The following SFTPD variants were observed in gnomAD, a reference collection of about 807,000 sequenced individuals.
SFTPD encodes surfactant protein D.
SFTPD carries 18 observed loss-of-function variants against 34.6 expected under a neutral mutation model. The observed-to-expected ratio is 0.52, with a 90% CI of 0.36 to 0.77. The LOEUF (loss-of-function observed/expected upper bound fraction) is 0.77. Ranked by LOEUF, SFTPD falls within the 30% of genes least tolerant of loss-of-function variation. The pLI, the probability that SFTPD is intolerant of heterozygous loss-of-function variation, is 0.00. For synonymous variants in SFTPD, 155 were observed against 180.9 expected (o/e 0.86, Z 1.15); for missense variants, 433 against 468.9 (o/e 0.92, Z 0.71).
At chr10:79,961,478 G>T (rs1228511134) in intron 1 of SFTPD, among the ~76,000 whole-genome samples, 1 of 152,120 alleles carries the variant, frequency 6.6e-6, no homozygotes, top group Non-Finnish European at 1.5e-5. Flanking sequence ...CAAAAAGTGG[G>T]TGAAGGATAT....
chr10:79,965,732 C>A (rs1204340132), intron 1 of SFTPD, among the ~76,000 whole-genome samples: 8 of 76,244 alleles, frequency 1.0e-4, no homozygotes, highest in Admixed American at 5.5e-4. Context: ...TCCCTCCCCC[C>A]TCCCCCGACC....
chr10:79,938,406 C>A (rs1344420965), intron 7 of SFTPD, among the ~76,000 whole-genome samples, 178 bp from the exon 8 acceptor site: 2 of 152,102 alleles, frequency 1.3e-5, no homozygotes, highest in Admixed American at 1.3e-4. Context: ...CATGACCTAC[C>A]CTGTGAGGTG....
upstream of SFTPD, chr10:79,949,128 A>G (rs1235879829): frequency 6.6e-6 from 1 of 152,106 alleles, no homozygotes; most frequent in Non-Finnish European, 1.5e-5. Context: ...GCAGGCACTC[A>G]CTATTTATGC....
chr10:79,945,789 T>C (rs533963144), intron 2 of SFTPD, among the ~76,000 whole-genome samples: 140 of 152,312 alleles, frequency 9.2e-4, no homozygotes, highest in African/African-American at 3.2e-3. Flanking sequence ...TCTCCCAGTG[T>C]GGAGATGGAG....
intron 4 of SFTPD, among the ~76,000 whole-genome samples, 154 bp downstream of exon 4, chr10:79,942,234 T>C (rs1452731102): frequency 6.6e-6 from 1 of 152,154 alleles, no homozygotes; most frequent in Non-Finnish European, 1.5e-5. Flanking sequence ...GAGGAAAATA[T>C]TGCAGTTGTG....
chr10:79,978,236 T>A (rs904651326), intron 1 of SFTPD, among the ~76,000 whole-genome samples: 12 of 152,216 alleles, frequency 7.9e-5, no homozygotes, highest in Non-Finnish European at 1.6e-4. Context: ...AATCAACAAA[T>A]GTAATACATC....
chr10:79,980,989 A>C (rs1842887157), intron 1 of SFTPD, among the ~76,000 whole-genome samples: 2 of 152,322 alleles, frequency 1.3e-5, no homozygotes, highest in East Asian at 3.9e-4. Flanking sequence ...ATAAGGCATC[A>C]GTGACCAACT....
At chr10:79,960,568 C>T (rs2132513507) in intron 1 of SFTPD, among the ~76,000 whole-genome samples, 1 of 149,798 alleles carries the variant, frequency 6.7e-6, no homozygotes, top group East Asian at 2.0e-4. Context: ...GAATAAAATA[C>T]CTAGGAATCC....
intron 1 of SFTPD, among the ~76,000 whole-genome samples, chr10:79,979,787 G>A (rs1010490310): frequency 6.6e-6 from 1 of 152,226 alleles, no homozygotes; most frequent in Non-Finnish European, 1.5e-5. Context: ...TGCTTGAGGT[G>A]TAGGTGACCC....
chr10:79,940,759 C>G lies in SFTPD; in HGVS notation c.697G>C (p.Ala233Pro). ...AGGTGCTGTACTTGTCCCTGTAAGG[C>G]CTCAACCTGCTGCCTCAGAGAAGCA... ...DVASLRQQVE[A>P]LQGQVQHLQA... The change falls in exon 7 of 8, where the codon GCC (alanine) becomes CCC (proline). Residue 233 changes from alanine to proline, a missense_variant. Coordinates refer to ENST00000372292, the MANE Select transcript of SFTPD (RefSeq NM_003019.5). 6.2e-7 allele frequency: 1 copy of G among 1,612,020 alleles called. No individual in the cohort carries two copies. Among genetic ancestry groups the G allele is most frequent in the Non-Finnish European group, 8.5e-7 (1 of 1,178,264 alleles).
intron 2 of SFTPD, among the ~76,000 whole-genome samples, chr10:79,943,120 G>A (rs892279874): frequency 2.0e-5 from 3 of 152,086 alleles, no homozygotes; most frequent in Admixed American, 6.6e-5. Flanking sequence ...CCTTCTATGC[G>A]GTGCTCCTTC....
intron 5 of SFTPD, 30 bp downstream of exon 5, chr10:79,941,924 C>A (rs375805574): frequency 6.9e-7 from 1 of 1,453,368 alleles, no homozygotes; most frequent in Non-Finnish European, 9.6e-7. Context: ...GAACTGGACC[C>A]AGCCCAGCCC....
rs1390654964 is a variant in SFTPD, at chr10:79,937,917, A to G, written c.1063T>C (p.Phe355Leu). The change falls in exon 8 of 8, where the codon TTC becomes CTC. Residue 355 changes from phenylalanine to leucine, a missense_variant. By Grantham distance (22) the Phe-to-Leu change is conservative. Transcript: ENST00000372292. ...CTGTCATTCCACTTGCCATTGGTGA[A>G]GATCTCCACACAGTCCTCTGACCCG... ...DGGSEDCVEIFTNGKWNDRAC... is the reference protein window; with the variant it reads ...DGGSEDCVEILTNGKWNDRAC... The G allele has an allele frequency of 6.3e-7, 1 of 1,593,926 alleles. No homozygotes were observed. The highest frequency in any genetic ancestry group is 1.7e-5 in the Admixed American group (1 of 58,128).
At chr10:79,963,346 C>T (rs534733523) in intron 1 of SFTPD, among the ~76,000 whole-genome samples, 1 of 137,116 alleles carries the variant, frequency 7.3e-6, no homozygotes, top group South Asian at 2.6e-4. Context: ...GACCGTGTCT[C>T]TTAAAAAAAA....
Position 79,965,537 on chromosome 10 carries a change from T to TTA in SFTPD, c.36+17037_36+17038insTA, listed in dbSNP as rs1564534464. Among the ~76,000 whole-genome samples, 5 of 22,832 alleles carry TTA rather than the reference T, an allele frequency of 2.2e-4. No homozygotes were observed. In the South Asian group the frequency reaches 3.5e-3, roughly 16 times the overall value. 15.0% of individuals were successfully genotyped at this position (22,832 alleles called of 152,430 possible). A position where few individuals can be genotyped will look rare whatever the true frequency, so the allele number is the denominator to read the frequency against. ...ACTTTACCACTATTTCATTTTATTT[T>TTA]TCTTTTTTTTTTTTTAATTTTTTAT... On this transcript the variant is annotated intron_variant, in intron 1 of 5. Coordinates refer to the SFTPD transcript ENST00000444384.
intron 1 of SFTPD, among the ~76,000 whole-genome samples, chr10:79,960,131 GAT>G (rs1842763581): frequency 6.6e-6 from 1 of 152,116 alleles, no homozygotes; most frequent in South Asian, 2.1e-4. Flanking sequence ...ATTTGGTATT[GAT>G]GGGACATATC....
chr10:79,944,805 G>A (rs1347699827), intron 2 of SFTPD, among the ~76,000 whole-genome samples: 1 of 152,070 alleles, frequency 6.6e-6, no homozygotes, highest in Non-Finnish European at 1.5e-5. Context: ...CGTCGGGGAT[G>A]TCACCAGAGT....
chr10:79,961,978 G>T (rs1458669961), intron 1 of SFTPD, among the ~76,000 whole-genome samples: 7 of 150,662 alleles, frequency 4.6e-5, no homozygotes, highest in Non-Finnish European at 8.8e-5. Context: ...AAAAGGATGA[G>T]TTCATGTCCT....
intron 7 of SFTPD, among the ~76,000 whole-genome samples, chr10:79,939,015 G>A (rs1842586092): frequency 6.6e-6 from 1 of 152,232 alleles, no homozygotes; most frequent in Admixed American, 6.5e-5. Flanking sequence ...ACATTGCGTG[G>A]GCAAGGGAAA....
Sources: gnomAD v4.1 joint callset for allele counts (sites outside exome capture counted in the v4.1 genomes callset) on GRCh38, gnomAD v4.1.1 for gene constraint, MANE v1.5 for transcripts, NCBI Gene and HGNC (gene_info 2026-07-23, HGNC 2026-07-21) for gene names.